ATAD2B: variants seen among roughly 807,000 people sequenced by gnomAD.
The protein encoded by ATAD2B is ATPase family AAA domain containing 2B, also known as ATPase family AAA domain-containing protein 2B.
A neutral mutation model predicts 167.6 loss-of-function variants in ATAD2B; 40 were observed. The observed-to-expected ratio is 0.24, with a 90% CI of 0.19 to 0.31. The LOEUF (loss-of-function observed/expected upper bound fraction) is 0.31. Ranked by LOEUF, ATAD2B falls within the 10% of genes least tolerant of loss-of-function variation. ATAD2B has a pLI of 1.00. For missense variants in ATAD2B, 1,242 were observed against 1,757.2 expected, an observed-to-expected ratio of 0.71 and a Z score of 5.24; for synonymous variants, 579 against 596.5, an observed-to-expected ratio of 0.97 and a Z score of 0.43.
the ATAD2B span, chr2:23,693,666 A>G: frequency 1.1e-6 from 1 of 917,376 alleles, no homozygotes; most frequent in Non-Finnish European, 1.6e-6. Context: ...AAGGGCGGGC[A>G]GAGAGGTGAG....
rs899963866 is a variant in ATAD2B at position 23,803,336 on chromosome 2, ACACG to A, written c.2455-5017_2455-5014del. The stretch of plus-strand genomic sequence containing the variant: ...TGTACACACACACACACACACACAC[ACACG>A]CGCACGCATTTGTTTCAGTAATAAA... On this transcript the variant is annotated intron_variant, in intron 18 of 27. Transcript: ENST00000238789. Among the ~76,000 whole-genome samples the A allele has an allele frequency of 7.8e-4, 116 of 148,458 alleles. 1 individual carries two copies. Among genetic ancestry groups the A allele is most frequent in the East Asian group, 6.6e-3 (34 of 5,140 alleles).
chr2:23,800,377 C>T (rs553294890), intron 18 of ATAD2B, among the ~76,000 whole-genome samples: 1 of 152,284 alleles, frequency 6.6e-6, no homozygotes, highest in South Asian at 2.1e-4. Context: ...CATTCTAGTA[C>T]TTCTAGGTTA....
intron 22 of ATAD2B, among the ~76,000 whole-genome samples, chr2:23,770,534 T>C (rs7563564): frequency 0.12 from 18,220 of 152,248 alleles, 1,162 homozygotes; most frequent in Middle Eastern, 0.22. Context: ...TGAGTCAACT[T>C]CTGCATACAA....
chr2:23,736,233 C>G, the ATAD2B span, among the ~76,000 whole-genome samples: 2 of 152,130 alleles, frequency 1.3e-5, no homozygotes, highest in East Asian at 1.9e-4. Context: ...AGGAACCCCC[C>G]CCATTGTTAC....
the ATAD2B span, among the ~76,000 whole-genome samples, chr2:23,738,928 C>G: frequency 6.6e-6 from 1 of 152,144 alleles, no homozygotes; most frequent in African/African-American, 2.4e-5. Flanking sequence ...GACTTTAAAC[C>G]AACAAAGATC....
intron 8 of ATAD2B, among the ~76,000 whole-genome samples, chr2:23,874,503 G>A (rs996627902): frequency 5.3e-5 from 8 of 152,076 alleles, no homozygotes; most frequent in African/African-American, 1.9e-4. Flanking sequence ...AGGAGTTCAA[G>A]ACCAGTCTGG....
chr2:23,887,448 T>C (rs906011205), intron 4 of ATAD2B, among the ~76,000 whole-genome samples: 1 of 152,208 alleles, frequency 6.6e-6, no homozygotes, highest in Non-Finnish European at 1.5e-5. Flanking sequence ...TAAGTTTTAA[T>C]AGTAACTTAA....
intron 8 of ATAD2B, among the ~76,000 whole-genome samples, chr2:23,871,723 C>G (rs1696001092): frequency 6.6e-6 from 1 of 152,160 alleles, no homozygotes. Flanking sequence ...CATCAGTACT[C>G]CACTCCAATG....
At chr2:23,862,836 C>A (rs1366526256) in intron 12 of ATAD2B, among the ~76,000 whole-genome samples, 3 of 152,066 alleles carry the variant, frequency 2.0e-5, no homozygotes, top group Admixed American at 6.6e-5. Context: ...TATGTTATAT[C>A]CTGTGTTGTC....
the ATAD2B span, among the ~76,000 whole-genome samples, chr2:23,709,999 A>G: frequency 6.6e-6 from 1 of 152,234 alleles, no homozygotes; most frequent in Admixed American, 6.5e-5. Context: ...CCACTATATC[A>G]GGAGTCCATG....
chr2:23,758,203 G>T, intron 24 of ATAD2B, 102 bp from the exon 25 acceptor site: 1 of 943,458 alleles, frequency 1.1e-6, no homozygotes, highest in Non-Finnish European at 1.5e-6. Flanking sequence ...AACCCATGCT[G>T]ATGTAACACA....
At chr2:23,842,636 A>C (rs1449974643) in intron 13 of ATAD2B, among the ~76,000 whole-genome samples, 1 of 152,168 alleles carries the variant, frequency 6.6e-6, no homozygotes, top group African/African-American at 2.4e-5. Context: ...TTTCAGCATA[A>C]GAGTCTAGAA....
the ATAD2B span, chr2:23,691,580 C>CTCAA: frequency 9.5e-7 from 1 of 1,053,000 alleles, no homozygotes; most frequent in Non-Finnish European, 1.4e-6. Context: ...AAACCAAGGG[C>CTCAA]ATGACCAAGG....
At chr2:23,693,561 C>G in the ATAD2B span, 1 of 1,535,408 alleles carries the variant, frequency 6.5e-7, no homozygotes, top group Non-Finnish European at 8.8e-7. Flanking sequence ...CCCCTTCTCT[C>G]TGGGTTTGGG....
chr2:23,895,665 T>C (rs1173888651), intron 2 of ATAD2B, among the ~76,000 whole-genome samples, 154 bp downstream of exon 2: 2 of 152,142 alleles, frequency 1.3e-5, no homozygotes, highest in African/African-American at 4.8e-5. Context: ...AAAATAAACT[T>C]ACATACAAAA....
intron 13 of ATAD2B, among the ~76,000 whole-genome samples, chr2:23,834,587 CAA>C (rs35619701): frequency 1.3e-5 from 2 of 150,174 alleles, no homozygotes; most frequent in Non-Finnish European, 3.0e-5. Context: ...CCTTGGCAAC[CAA>C]AAAAAAAATG....
the ATAD2B span, chr2:23,691,337 C>G: frequency 1.8e-4 from 62 of 338,780 alleles, 1 homozygote; most frequent in African/African-American, 1.2e-3. Context: ...GGTGGAGACA[C>G]CAGGGCCTGC....
rs534616076 is a variant in ATAD2B, at chr2:23,919,020, C to A, written c.216+7535G>T. Among the ~76,000 whole-genome samples the A allele has an allele frequency of 3.3e-5, 5 of 152,194 alleles. No individual in the cohort carries two copies. In the South Asian group the frequency reaches 6.2e-4, roughly 19 times the overall value. On this transcript the variant is annotated intron_variant, in intron 1 of 27. Transcript: ENST00000238789. Reference sequence around the variant, plus strand: ...TGGTTTACTCTTCTCCTTATTAGGGCAAAATGCAACAAGTGAGTATAGCAA... The same window carrying A: ...TGGTTTACTCTTCTCCTTATTAGGGAAAAATGCAACAAGTGAGTATAGCAA...
chr2:23,811,781 TA>T (rs1685633397), intron 17 of ATAD2B, among the ~76,000 whole-genome samples: 2 of 152,130 alleles, frequency 1.3e-5, no homozygotes, highest in Admixed American at 1.3e-4. Flanking sequence ...AGGTTGTTTA[TA>T]AATTAATCTG....
Sources: allele counts gnomAD v4.1 joint callset (sites outside exome capture counted in the v4.1 genomes callset), GRCh38; gene constraint gnomAD v4.1.1; transcripts MANE v1.5; gene names NCBI Gene and HGNC (gene_info 2026-07-23, HGNC 2026-07-21).